The following DOCK3 variants were observed in gnomAD, a reference collection of about 807,000 sequenced individuals.
DOCK3 encodes dedicator of cytokinesis 3.
DOCK3 carries 60 observed loss-of-function variants against 265.6 expected under a neutral mutation model. The observed-to-expected ratio is 0.23, with a 90% CI of 0.18 to 0.28. DOCK3 has a LOEUF of 0.28. Ranked by LOEUF, DOCK3 falls within the 10% of genes least tolerant of loss-of-function variation. The pLI is 1.00. For synonymous variants in DOCK3, 881 were observed against 938.0 expected (o/e 0.94, Z 1.11); for missense variants, 1,981 against 2,594.3 (o/e 0.76, Z 5.14).
intron 2 of DOCK3, among the ~76,000 whole-genome samples, chr3:50,834,406 TTAA>T (rs768912288): frequency 6.6e-6 from 1 of 152,172 alleles, no homozygotes; most frequent in Non-Finnish European, 1.5e-5. Flanking sequence ...GTTATAATTA[TTAA>T]TAACACACAC....
chr3:51,289,002 G>A (rs1387258123), intron 27 of DOCK3, among the ~76,000 whole-genome samples: 1 of 151,806 alleles, frequency 6.6e-6, no homozygotes, highest in South Asian at 2.1e-4. Context: ...TGGGGGAAGA[G>A]AGATGAGAGA....
At chr3:50,947,285 T>C (rs1257149346) in intron 5 of DOCK3, among the ~76,000 whole-genome samples, 4 of 152,156 alleles carry the variant, frequency 2.6e-5, no homozygotes, top group African/African-American at 9.6e-5. Context: ...CAACTTATAA[T>C]AGTTTGAAAG....
intron 1 of DOCK3, among the ~76,000 whole-genome samples, chr3:50,686,127 A>G (rs1188951855): frequency 2.0e-5 from 3 of 152,028 alleles, no homozygotes; most frequent in African/African-American, 4.8e-5. Flanking sequence ...ACCATGATGT[A>G]GAATCAATGG....
At chr3:50,810,975 A>G (rs1459625606) in intron 2 of DOCK3, among the ~76,000 whole-genome samples, 1 of 152,256 alleles carries the variant, frequency 6.6e-6, no homozygotes, top group Non-Finnish European at 1.5e-5. Flanking sequence ...TAAATTATGC[A>G]TCAGTGAACT....
intron 12 of DOCK3, among the ~76,000 whole-genome samples, chr3:51,167,649 T>C (rs1261330450): frequency 6.6e-6 from 1 of 152,158 alleles, no homozygotes; most frequent in East Asian, 1.9e-4. Context: ...TAATTTTCAG[T>C]AAATAGATCA....
chr3:51,341,345 G>A lies in DOCK3; in HGVS notation c.3875G>A (p.Gly1292Glu). The change falls in exon 38 of 53, where the codon GGA (glycine) becomes GAA (glutamate). Residue 1292 changes from glycine (G) to glutamate (E), a missense_variant. Gly to Glu is a moderately conservative substitution (Grantham distance 98). This residue lies in a region of DOCK3 where 1,357 missense variants were observed against 1,866.8 expected (regional missense o/e 0.73). Coordinates refer to ENST00000266037, the MANE Select transcript of DOCK3 (RefSeq NM_004947.5). ...CAGACAGAGTGGCAGCGGAAGGAGGGACTGTGCCGGAAGATCATTCACTAC... is the reference window on the plus strand; with the variant it reads ...CAGACAGAGTGGCAGCGGAAGGAGGAACTGTGCCGGAAGATCATTCACTAC... The part of the protein sequence containing the change: ...PSQTEWQRKE[G>E]LCRKIIHYFN... The A allele has an allele frequency of 6.2e-7, 1 of 1,613,862 alleles. No individual in the cohort carries two copies. Among genetic ancestry groups the A allele is most frequent in the Non-Finnish European group, 8.5e-7 (1 of 1,179,840 alleles).
At chr3:50,689,828 T>C (rs1049917832) in intron 1 of DOCK3, among the ~76,000 whole-genome samples, 1 of 152,182 alleles carries the variant, frequency 6.6e-6, no homozygotes, top group African/African-American at 2.4e-5. Flanking sequence ...CCTCCTGCTG[T>C]GTGGCCTGGT....
chr3:51,182,749 GT>G (rs2087376308), intron 12 of DOCK3, among the ~76,000 whole-genome samples: 1 of 152,194 alleles, frequency 6.6e-6, no homozygotes, highest in Non-Finnish European at 1.5e-5. Context: ...AGTGAAGATT[GT>G]GATAATGTTT....
chr3:50,775,815 C>G (rs1404078092), intron 1 of DOCK3, among the ~76,000 whole-genome samples: 3 of 149,222 alleles, frequency 2.0e-5, no homozygotes, highest in African/African-American at 7.4e-5. Context: ...GCGTAGCTCC[C>G]ACTTATAGAT....
intron 1 of DOCK3, among the ~76,000 whole-genome samples, chr3:50,774,182 T>C (rs2041452890): frequency 6.6e-6 from 1 of 152,018 alleles, no homozygotes; most frequent in Non-Finnish European, 1.5e-5. Flanking sequence ...AGGCTTGATA[T>C]CAGTATATAT....
intron 31 of DOCK3, 139 bp from the exon 32 acceptor site, chr3:51,314,841 C>T: frequency 9.4e-7 from 1 of 1,068,524 alleles, no homozygotes; most frequent in Non-Finnish European, 1.2e-6. Context: ...GGGAGAGTAC[C>T]TCAGAAAACC....
intron 4 of DOCK3, among the ~76,000 whole-genome samples, chr3:50,917,309 T>G (rs1402055467): frequency 4.6e-5 from 7 of 152,070 alleles, no homozygotes; most frequent in Admixed American, 1.3e-4. Context: ...CCTGCTATCT[T>G]TAGATAATGG....
chr3:50,807,947 C>T (rs368112109), intron 2 of DOCK3, among the ~76,000 whole-genome samples: 50 of 152,230 alleles, frequency 3.3e-4, no homozygotes, highest in East Asian at 9.7e-4. Flanking sequence ...GATAGGATTT[C>T]GCCATGTTGC....
chr3:50,780,629 G>A (rs2041860348), intron 2 of DOCK3, among the ~76,000 whole-genome samples: 1 of 152,168 alleles, frequency 6.6e-6, no homozygotes, highest in Non-Finnish European at 1.5e-5. Flanking sequence ...ATAATATATA[G>A]TGATCAGATC....
At chr3:51,220,670 A>AATAT (rs1384358811) in intron 14 of DOCK3, among the ~76,000 whole-genome samples, 1 of 108,068 alleles carries the variant, frequency 9.3e-6, no homozygotes, top group African/African-American at 4.1e-5. Flanking sequence ...AAAAAAAAAA[A>AATAT]ATATATATAT....
intron 1 of DOCK3, among the ~76,000 whole-genome samples, chr3:50,724,150 A>G (rs375590001): frequency 3.8e-4 from 58 of 152,182 alleles, no homozygotes; most frequent in African/African-American, 1.3e-3. Flanking sequence ...ATGAGATACC[A>G]TCTCATGCCA....
At chr3:50,849,020 G>T (rs2046227969) in intron 3 of DOCK3, among the ~76,000 whole-genome samples, 1 of 151,576 alleles carries the variant, frequency 6.6e-6, no homozygotes, top group African/African-American at 2.4e-5. Context: ...TTTTTGTCTG[G>T]ATGAGCTCAA....
intron 1 of DOCK3, among the ~76,000 whole-genome samples, chr3:50,683,621 T>A (rs1258604111): frequency 1.3e-5 from 2 of 152,196 alleles, no homozygotes; most frequent in Non-Finnish European, 2.9e-5. Context: ...CCTTAGTTCA[T>A]GGCTATGGTG....
chr3:51,308,371 C>T (rs1576742393), intron 27 of DOCK3, among the ~76,000 whole-genome samples: 1 of 151,436 alleles, frequency 6.6e-6, no homozygotes, highest in East Asian at 1.9e-4. Context: ...TGCGGCCTTC[C>T]GCAGTGTTTG....
Sources: gnomAD v4.1 joint callset for allele counts (sites outside exome capture counted in the v4.1 genomes callset) on GRCh38, gnomAD v4.1.1 for gene constraint, gnomAD v4.1.1 regional missense constraint, MANE v1.5 for transcripts, NCBI Gene and HGNC (gene_info 2026-07-23, HGNC 2026-07-21) for gene names.